USP20: variants seen among roughly 807,000 people sequenced by gnomAD.
USP20 encodes ubiquitin carboxyl-terminal hydrolase 20.
In USP20, 80 loss-of-function variants were observed where a neutral mutation model predicts 124.2. The ratio of observed to expected loss-of-function variants is 0.64; its 90% CI spans 0.54 to 0.78. The LOEUF is 0.78. USP20 is among the 30% of genes least tolerant of loss of function. The pLI is 0.00. For synonymous variants in USP20, 481 were observed against 512.3 expected (o/e 0.94, Z 0.83); for missense variants, 1,043 against 1,244.4 (o/e 0.84, Z 2.44).
intron 22 of USP20, 40 bp downstream of exon 22, chr9:129,876,278 C>T (rs1313728865): frequency 1.3e-6 from 2 of 1,551,292 alleles, no homozygotes; most frequent in South Asian, 1.2e-5. Context: ...CTCTGCCAGC[C>T]TCTGCCTGGG....
chr9:129,864,195 G>A (rs574224151), intron 9 of USP20, among the ~76,000 whole-genome samples: 4 of 152,062 alleles, frequency 2.6e-5, no homozygotes, highest in African/African-American at 7.2e-5. Context: ...GGGGCCAGAT[G>A]CAGTCACTGA....
At chr9:129,843,884 CA>C (rs1306214108) in intron 1 of USP20, among the ~76,000 whole-genome samples, 1 of 152,106 alleles carries the variant, frequency 6.6e-6, no homozygotes, top group Admixed American at 6.6e-5. Context: ...GGCATCATGG[CA>C]AAACTCTGTC....
intron 6 of USP20, among the ~76,000 whole-genome samples, chr9:129,860,578 A>G (rs1374527896): frequency 6.6e-6 from 1 of 152,132 alleles, no homozygotes; most frequent in Admixed American, 6.5e-5. Flanking sequence ...TAAAAAGGTT[A>G]GCTGGGTGCT....
In USP20 at chr9:129,852,640, A is replaced by G. The variant is rs746578954; in HGVS notation, c.81+4A>G. On this transcript the variant is annotated splice_donor_region_variant and intron_variant, in intron 3 of 25. Transcript: ENST00000372429. ...GGACTTGCTGCTCAAATCTAAGGTA[A>G]AGGGTCAGACCTTACGGGGCCAGGG... The G allele has an allele frequency of 5.7e-6, 9 of 1,584,530 alleles. No homozygotes were observed. Among genetic ancestry groups the G allele is most frequent in the Non-Finnish European group, 7.7e-6 (9 of 1,163,978 alleles).
At chr9:129,861,639 G>A in intron 8 of USP20, 27 bp downstream of exon 8, 1 of 1,610,124 alleles carries the variant, frequency 6.2e-7, no homozygotes. Context: ...TCCGAGGGCC[G>A]AGAGCTGTCC....
At chr9:129,864,801 G>A (rs10760640) in intron 9 of USP20, among the ~76,000 whole-genome samples, 129,421 of 147,620 alleles carry the variant, frequency 0.88, 57,151 homozygotes, top group East Asian at 1. Context: ...AACCCAGCAT[G>A]GTACAATATA....
intron 10 of USP20, among the ~76,000 whole-genome samples, chr9:129,866,351 A>T (rs1243290572): frequency 6.6e-6 from 1 of 152,192 alleles, no homozygotes; most frequent in Non-Finnish European, 1.5e-5. Flanking sequence ...CAATGACTAA[A>T]ATTCACTGAG....
chr9:129,862,485 G>A lies in USP20; in HGVS notation c.498-701G>A, dbSNP rs150412963. Reference sequence around the variant, plus strand: ...GGAGAATCGCTTGAACCCGGGAGGCGGAGGTTGCAGTGAGCTGAGATCATG... The same window carrying A: ...GGAGAATCGCTTGAACCCGGGAGGCAGAGGTTGCAGTGAGCTGAGATCATG... On this transcript the variant is annotated intron_variant, in intron 8 of 25. Transcript: ENST00000372429. 9.0e-4 allele frequency among the ~76,000 whole-genome samples: 131 copies of A among 145,414 alleles called. 1 individual carries two copies. In the East Asian group the frequency reaches 0.022, roughly 25 times the overall value.
intron 11 of USP20, 123 bp from the exon 12 acceptor site, chr9:129,868,739 C>CA (rs1299892249): frequency 2.1e-6 from 3 of 1,452,634 alleles, no homozygotes; most frequent in Non-Finnish European, 2.7e-6. Context: ...GGGCACATGA[C>CA]AGAGGAGACA....
chr9:129,880,436 GC>G, intron 25 of USP20, 30 bp from the exon 26 acceptor site: 1 of 959,932 alleles, frequency 1.0e-6, no homozygotes, highest in Non-Finnish European at 1.5e-6. Context: ...ACATGGCCCG[GC>G]CCCACTGCTG....
chr9:129,847,025 T>G (rs2032618659), intron 1 of USP20, among the ~76,000 whole-genome samples: 1 of 152,248 alleles, frequency 6.6e-6, no homozygotes, highest in Non-Finnish European at 1.5e-5. Flanking sequence ...TATGGGTATA[T>G]CATGTTTTGT....
intron 2 of USP20, among the ~76,000 whole-genome samples, chr9:129,852,060 T>C (rs570545508): frequency 6.6e-6 from 1 of 152,316 alleles, no homozygotes; most frequent in East Asian, 1.9e-4. Flanking sequence ...CAGAGGCTCT[T>C]GAGAAGACCT....
rs2034562434 is a variant in USP20 at position 129,879,749 on chromosome 9, G to A, written c.2584+105G>A. On this transcript the variant is annotated intron_variant, in intron 24 of 25. Transcript: ENST00000372429. This position sits in a 1 kb window ranked among gnomAD's most constrained non-coding sequence, Gnocchi z 4.2. Reference sequence around the variant, plus strand: ...GAGCCCCCTTACCACCTGTCTTAGAGTCAGGCTGAGACGTCCACCTGAGTC... The same window carrying A: ...GAGCCCCCTTACCACCTGTCTTAGAATCAGGCTGAGACGTCCACCTGAGTC... 3.7e-6 allele frequency: 5 copies of A among 1,340,380 alleles called. No individual in the cohort carries two copies. The highest frequency in any genetic ancestry group is 3.7e-5 in the South Asian group (3 of 80,716). The allele number at this position is 1,340,380 out of a possible 1,614,324, so 83.0% of individuals were successfully genotyped here.
chr9:129,859,076 G>A (rs2033373363), intron 6 of USP20, among the ~76,000 whole-genome samples: 1 of 151,650 alleles, frequency 6.6e-6, no homozygotes, highest in South Asian at 2.1e-4. Flanking sequence ...ACCAGAGAAT[G>A]GTCCTTTGAT....
At chr9:129,876,657 AAAAG>A (rs2034423686) in intron 22 of USP20, among the ~76,000 whole-genome samples, 2 of 151,704 alleles carry the variant, frequency 1.3e-5, no homozygotes, top group African/African-American at 2.4e-5. Context: ...AAAAAAAAGA[AAAAG>A]AAAAGAAAGG....
intron 3 of USP20, among the ~76,000 whole-genome samples, chr9:129,855,980 G>A (rs963946373): frequency 6.6e-6 from 1 of 152,164 alleles, no homozygotes; most frequent in African/African-American, 2.4e-5. Flanking sequence ...GAAGAGTAAG[G>A]GGTGGGAAGA....
At chr9:129,867,148 C>G (rs529814805) in intron 10 of USP20, among the ~76,000 whole-genome samples, 132 of 152,254 alleles carry the variant, frequency 8.7e-4, no homozygotes, top group Admixed American at 2.9e-3. Flanking sequence ...GCTCGGAACC[C>G]AAGTCCTTCT....
chr9:129,868,519 C>G, intron 11 of USP20, 70 bp downstream of exon 11: 1 of 1,516,892 alleles, frequency 6.6e-7, no homozygotes, highest in South Asian at 1.3e-5. Flanking sequence ...TGCTGAGCGC[C>G]GACCTGCAGT....
rs2033764929 is a variant in USP20, at chr9:129,865,231, G to T, written c.612-72G>T. On this transcript the variant is annotated intron_variant, in intron 9 of 25. Coordinates refer to ENST00000372429, the MANE Select transcript of USP20 (RefSeq NM_001110303.4). The stretch of plus-strand genomic sequence containing the variant: ...CACTCTGATCCAGCCTGACGGGCTG[G>T]CTGCCTGCTTCTCTCGGGAATGAGC... The T allele has an allele frequency of 2.0e-6, 3 of 1,531,008 alleles. No individual in the cohort carries two copies. In the Admixed American group the frequency reaches 5.0e-5, roughly 26 times the overall value. 94.8% of individuals were successfully genotyped at this position (1,531,008 alleles called of 1,614,324 possible). A position where few individuals can be genotyped will look rare whatever the true frequency, so the allele number is the denominator to read the frequency against.
Sources: allele counts gnomAD v4.1 joint callset (sites outside exome capture counted in the v4.1 genomes callset), GRCh38; gene constraint gnomAD v4.1.1; non-coding constraint Gnocchi (gnomAD v3.1); transcripts MANE v1.5; gene names NCBI Gene and HGNC (gene_info 2026-07-23, HGNC 2026-07-21).